PLD5: variants seen among roughly 807,000 people sequenced by gnomAD.
The protein encoded by PLD5 is phospholipase D family member 5.
In PLD5, 36 loss-of-function variants were observed where a neutral mutation model predicts 61.1. The ratio of observed to expected loss-of-function variants is 0.59; its 90% confidence interval spans 0.45 to 0.78. PLD5 has a LOEUF of 0.78. PLD5 is among the 30% of genes least tolerant of loss of function. The pLI is 0.00. For synonymous variants in PLD5, 243 were observed against 242.8 expected (o/e 1.00, Z -0.01); for missense variants, 515 against 644.4 (o/e 0.80, Z 2.17).
At chr1:242,282,676 T>A (rs1276862671) in intron 3 of PLD5, among the ~76,000 whole-genome samples, 3 of 152,172 alleles carry the variant, frequency 2.0e-5, no homozygotes, top group African/African-American at 7.2e-5. Flanking sequence ...TGAGATTTTT[T>A]TTTTTAACCC....
intron 5 of PLD5, among the ~76,000 whole-genome samples, chr1:242,156,546 G>A (rs1665387465): frequency 6.6e-6 from 1 of 152,122 alleles, no homozygotes; most frequent in South Asian, 2.1e-4. Context: ...AGGCAGGCCT[G>A]GTGGTGATAA....
intron 4 of PLD5, among the ~76,000 whole-genome samples, chr1:242,257,681 A>T (rs1310746951): frequency 2.6e-5 from 4 of 152,228 alleles, no homozygotes; most frequent in Non-Finnish European, 5.9e-5. Context: ...TAATTAGCTC[A>T]ATGTACCCAT....
intron 2 of PLD5, among the ~76,000 whole-genome samples, chr1:242,301,730 A>G (rs1676045946): frequency 6.6e-6 from 1 of 151,628 alleles, no homozygotes; most frequent in Admixed American, 6.6e-5. Flanking sequence ...GTGTTTTTAC[A>G]GACCCTTCCG....
intron 5 of PLD5, among the ~76,000 whole-genome samples, chr1:242,187,168 C>T (rs1574477096): frequency 6.6e-6 from 1 of 152,196 alleles, no homozygotes; most frequent in East Asian, 1.9e-4. Context: ...CCTAGGGGAC[C>T]CCCATTCCTC....
At chr1:242,371,241 TGA>T (rs772469169) in intron 1 of PLD5, among the ~76,000 whole-genome samples, 2 of 152,140 alleles carry the variant, frequency 1.3e-5, no homozygotes, top group African/African-American at 4.8e-5. Context: ...AAGAGTGCAC[TGA>T]GAGAGGCTTA....
chr1:242,105,222 G>GT (rs570259900), intron 8 of PLD5, among the ~76,000 whole-genome samples: 87,577 of 146,514 alleles, frequency 0.6, 26,102 homozygotes, highest in East Asian at 0.79. Flanking sequence ...CTGTGTGTTG[G>GT]TTTTTTTTTT....
At chr1:242,240,621 T>A (rs1671939649) in intron 4 of PLD5, among the ~76,000 whole-genome samples, 1 of 152,116 alleles carries the variant, frequency 6.6e-6, no homozygotes, top group Non-Finnish European at 1.5e-5. Flanking sequence ...CAGGGAGTTT[T>A]AGGCCAAAGG....
rs1421051693 is a variant in PLD5 at position 242,256,522 on chromosome 1, C to A, written c.607+8815G>T. 6.6e-6 allele frequency among the ~76,000 whole-genome samples: 1 copy of A among 152,112 alleles called. No homozygotes were observed. The highest frequency in any genetic ancestry group is 2.4e-5 in the African/African-American group (1 of 41,396). On this transcript the variant is annotated intron_variant, in intron 4 of 9. Coordinates refer to ENST00000536534, the MANE Select transcript of PLD5 (RefSeq NM_001372062.1). The surrounding 1 kb of genome is among the most constrained non-coding windows in gnomAD (Gnocchi z 5.7). The stretch of plus-strand genomic sequence containing the variant: ...AGGAACAAACTTAGATTCTTTTGTG[C>A]CCTTCTGTCTTATCCGCCACGTGAG...
At chr1:242,362,997 G>C (rs1190164142) in intron 1 of PLD5, among the ~76,000 whole-genome samples, 2 of 152,208 alleles carry the variant, frequency 1.3e-5, no homozygotes, top group African/African-American at 4.8e-5. Flanking sequence ...AAGTTGAGGA[G>C]AAAGACTCGG....
chr1:242,355,795 C>T (rs1660721250), intron 1 of PLD5, among the ~76,000 whole-genome samples: 1 of 152,042 alleles, frequency 6.6e-6, no homozygotes, highest in Non-Finnish European at 1.5e-5. Flanking sequence ...TGTTGTGTTT[C>T]CATTTTCATT....
intron 2 of PLD5, 115 bp downstream of exon 2, chr1:242,347,991 T>A: frequency 7.5e-7 from 1 of 1,335,740 alleles, no homozygotes; most frequent in Admixed American, 2.2e-5. Context: ...CAGCTTAAGC[T>A]AAGGGGAGCC....
At chr1:242,148,501 C>T (rs1281042699) in intron 5 of PLD5, among the ~76,000 whole-genome samples, 1 of 151,768 alleles carries the variant, frequency 6.6e-6, no homozygotes, top group African/African-American at 2.4e-5. Flanking sequence ...ATGTTAGAAT[C>T]CATTTGTCAA....
chr1:242,344,462 T>C (rs1660017169), intron 2 of PLD5, among the ~76,000 whole-genome samples: 1 of 152,168 alleles, frequency 6.6e-6, no homozygotes, highest in Admixed American at 6.5e-5. Context: ...AACCAAAGAC[T>C]AAAATCATGA....
chr1:242,107,555 A>C (rs1014629085), intron 8 of PLD5, 116 bp downstream of exon 8: 1 of 993,464 alleles, frequency 1.0e-6, no homozygotes, highest in African/African-American at 1.7e-5. Flanking sequence ...TGCTTTTTGA[A>C]GATTGCCGTC....
chr1:242,388,532 G>A (rs1356658901), intron 1 of PLD5, among the ~76,000 whole-genome samples: 1 of 152,136 alleles, frequency 6.6e-6, no homozygotes, highest in Non-Finnish European at 1.5e-5. Flanking sequence ...AAAAGTAGTG[G>A]ATGGAATTCC....
chr1:242,333,121 G>A (rs1241028925), intron 2 of PLD5, among the ~76,000 whole-genome samples: 4 of 152,200 alleles, frequency 2.6e-5, no homozygotes, highest in Non-Finnish European at 5.9e-5. Flanking sequence ...AGCTGAGCGT[G>A]GAAGTTGCTA....
intron 5 of PLD5, among the ~76,000 whole-genome samples, chr1:242,125,960 C>G (rs1225539197): frequency 6.6e-6 from 1 of 152,106 alleles, no homozygotes; most frequent in African/African-American, 2.4e-5. Context: ...TTCCCTAATG[C>G]AAAAATAAAA....
intron 4 of PLD5, among the ~76,000 whole-genome samples, chr1:242,255,677 G>A (rs1388455976): frequency 6.6e-6 from 1 of 152,166 alleles, no homozygotes; most frequent in South Asian, 2.1e-4. Flanking sequence ...CCTAATCCAT[G>A]AATGTGAAAA....
intron 5 of PLD5, among the ~76,000 whole-genome samples, chr1:242,201,076 A>G (rs969038311): frequency 6.6e-6 from 1 of 152,242 alleles, no homozygotes; most frequent in Admixed American, 6.5e-5. Flanking sequence ...TTGACTAAAC[A>G]ACATAGAAAT....
Sources: allele counts gnomAD v4.1 joint callset (sites outside exome capture counted in the v4.1 genomes callset), GRCh38; gene constraint gnomAD v4.1.1; non-coding constraint Gnocchi (gnomAD v3.1); transcripts MANE v1.5; gene names NCBI Gene and HGNC (gene_info 2026-07-23, HGNC 2026-07-21).